The following CDH18 variants were observed in gnomAD, a reference collection of about 807,000 sequenced individuals.
The protein encoded by CDH18 is cadherin 18.
Under a neutral mutation model 67.9 loss-of-function variants are expected in CDH18, and 31 were observed. That is an observed-to-expected ratio of 0.46 (90% CI 0.34 to 0.62). The LOEUF (loss-of-function observed/expected upper bound fraction) is 0.62, where lower values mean the gene tolerates loss of function less well. Ranked by LOEUF, CDH18 falls within the 20% of genes least tolerant of loss-of-function variation. CDH18 has a pLI of 0.01. For synonymous variants in CDH18, 362 were observed against 347.2 expected, an observed-to-expected ratio of 1.04 and a Z score of -0.48; for missense variants, 890 against 975.5, an observed-to-expected ratio of 0.91 and a Z score of 1.17.
At chr5:20,180,593 A>G (rs1318667835) in intron 2 of CDH18, among the ~76,000 whole-genome samples, 1 of 152,156 alleles carries the variant, frequency 6.6e-6, no homozygotes, top group Non-Finnish European at 1.5e-5. Context: ...TATGTTAAAG[A>G]ATTACTTCAT....
At chr5:19,953,806 A>C (rs923959829) in intron 2 of CDH18, among the ~76,000 whole-genome samples, 1 of 152,040 alleles carries the variant, frequency 6.6e-6, no homozygotes, top group African/African-American at 2.4e-5. Flanking sequence ...ATAATAGTCA[A>C]ACTATGAGGT....
intron 4 of CDH18, among the ~76,000 whole-genome samples, chr5:19,739,051 A>G (rs1164768173): frequency 6.6e-6 from 1 of 152,220 alleles, no homozygotes; most frequent in Non-Finnish European, 1.5e-5. Context: ...AGTTAAAGAT[A>G]TATAAAATAA....
chr5:19,708,585 T>C (rs959662588), intron 5 of CDH18, among the ~76,000 whole-genome samples: 1 of 152,178 alleles, frequency 6.6e-6, no homozygotes, highest in Non-Finnish European at 1.5e-5. Flanking sequence ...AGATTGTTGG[T>C]TTACCAGAAT....
chr5:20,280,301 T>C (rs1746151106), intron 1 of CDH18, among the ~76,000 whole-genome samples: 2 of 152,140 alleles, frequency 1.3e-5, no homozygotes, highest in Non-Finnish European at 2.9e-5. Flanking sequence ...TTTGGTGTGC[T>C]GCACCCATTA....
intron 5 of CDH18, among the ~76,000 whole-genome samples, chr5:19,641,870 T>C (rs1322214273): frequency 2.0e-5 from 3 of 151,796 alleles, no homozygotes; most frequent in African/African-American, 7.3e-5. Flanking sequence ...GTACCCAAAT[T>C]GGAAAGAAAA....
intron 12 of CDH18, among the ~76,000 whole-genome samples, chr5:19,479,442 T>C (rs2053640612): frequency 6.6e-6 from 1 of 152,214 alleles, no homozygotes; most frequent in African/African-American, 2.4e-5. Context: ...CAGATGGCTA[T>C]ATCCTGTATC....
intron 1 of CDH18, among the ~76,000 whole-genome samples, chr5:20,517,836 T>C (rs1508546): frequency 2.0e-5 from 3 of 151,962 alleles, no homozygotes; most frequent in Non-Finnish European, 4.4e-5. Flanking sequence ...GAGGTGATTG[T>C]GGTTGTTTCA....
rs910516933 is a variant in CDH18, at chr5:20,071,824, C to A, written c.-517-79810G>T. ...TTCTAAACAGTAACCTTTTGACATACCAAGTGCTATCTTGTAAAACACACT... is the reference window on the plus strand; with the variant it reads ...TTCTAAACAGTAACCTTTTGACATAACAAGTGCTATCTTGTAAAACACACT... On this transcript the variant is annotated intron_variant, in intron 2 of 14. Transcript: ENST00000507958. Among the ~76,000 whole-genome samples the A allele has an allele frequency of 2.6e-5, 4 of 152,036 alleles. No individual in the cohort carries two copies. The South Asian group carries it at 6.2e-4, about 24-fold the overall frequency.
At chr5:20,334,152 T>TTTTTTTTTTTA (rs1739469248) in intron 1 of CDH18, among the ~76,000 whole-genome samples, 1 of 69,096 alleles carries the variant, frequency 1.4e-5, no homozygotes, top group Non-Finnish European at 3.2e-5. Flanking sequence ...TTTTTTTTTT[T>TTTTTTTTTTTA]GAGACGGAGT....
intron 6 of CDH18, among the ~76,000 whole-genome samples, chr5:19,593,551 C>T (rs531372081): frequency 1.3e-5 from 2 of 150,474 alleles, no homozygotes; most frequent in Non-Finnish European, 3.0e-5. Context: ...CTCCTTCTCC[C>T]TCTCCTCCTC....
At chr5:20,101,010 T>C (rs1746417485) in intron 2 of CDH18, among the ~76,000 whole-genome samples, 1 of 152,202 alleles carries the variant, frequency 6.6e-6, no homozygotes, top group African/African-American at 2.4e-5. Flanking sequence ...TGGAATGTAG[T>C]GGCACAATTA....
intron 2 of CDH18, among the ~76,000 whole-genome samples, chr5:20,077,865 A>T (rs1744084856): frequency 6.6e-6 from 1 of 152,146 alleles, no homozygotes. Flanking sequence ...CTTTCACTAC[A>T]ATGTTATGTC....
intron 4 of CDH18, among the ~76,000 whole-genome samples, chr5:19,741,237 A>G (rs1769114077): frequency 1.4e-5 from 1 of 70,648 alleles, no homozygotes; most frequent in Non-Finnish European, 4.9e-5. Flanking sequence ...GTATATATGT[A>G]CATATATGTA....
intron 1 of CDH18, among the ~76,000 whole-genome samples, chr5:20,529,918 A>G (rs956713774): frequency 4.6e-5 from 7 of 151,946 alleles, no homozygotes; most frequent in African/African-American, 1.5e-4. Context: ...GAAATAAAGC[A>G]TATTCAAATA....
intron 11 of CDH18, among the ~76,000 whole-genome samples, chr5:19,490,400 T>TTTTG (rs1741240896): frequency 1.5e-5 from 1 of 66,544 alleles, no homozygotes; most frequent in Non-Finnish European, 3.2e-5. Flanking sequence ...ATCTGTTTTT[T>TTTTG]TTTTTTTTTT....
At chr5:20,271,953 G>A (rs532019923) in intron 1 of CDH18, among the ~76,000 whole-genome samples, 58 of 93,702 alleles carry the variant, frequency 6.2e-4, no homozygotes, top group African/African-American at 1.9e-3. Flanking sequence ...AGAGAGAGAT[G>A]TGAATTTAAG....
intron 1 of CDH18, among the ~76,000 whole-genome samples, chr5:20,280,778 G>T (rs920339626): frequency 1.3e-5 from 2 of 152,110 alleles, no homozygotes; most frequent in African/African-American, 4.8e-5. Context: ...CTGAGGAATC[G>T]CCACACTGAC....
chr5:20,176,117 T>G (rs1412666114), intron 2 of CDH18, among the ~76,000 whole-genome samples: 1 of 152,102 alleles, frequency 6.6e-6, no homozygotes, highest in Non-Finnish European at 1.5e-5. Context: ...GACCTGAATG[T>G]TTTCTGAGGA....
chr5:19,844,490 C>T (rs532606345), intron 2 of CDH18, among the ~76,000 whole-genome samples: 3 of 152,230 alleles, frequency 2.0e-5, no homozygotes, highest in Admixed American at 6.5e-5. Context: ...CTTAGCTTTG[C>T]GGAACTGTGA....
Sources: gnomAD v4.1 joint callset for allele counts (sites outside exome capture counted in the v4.1 genomes callset) on GRCh38, gnomAD v4.1.1 for gene constraint, MANE v1.5 for transcripts, NCBI Gene and HGNC (gene_info 2026-07-23, HGNC 2026-07-21) for gene names.